The following JAZF1 variants were observed in gnomAD, a reference collection of about 807,000 sequenced individuals.
JAZF1 encodes JAZF zinc finger 1.
A neutral mutation model predicts 26.4 loss-of-function variants in JAZF1; 8 were observed. The observed-to-expected ratio is 0.30, with a 90% CI of 0.18 to 0.55. The LOEUF is 0.55. Among genes scored for constraint, JAZF1 ranks in the 20% least tolerant of loss-of-function variants. JAZF1 has a pLI of 0.94. For synonymous variants in JAZF1, 126 were observed against 122.3 expected (o/e 1.03, Z -0.20); for missense variants, 199 against 322.0 (o/e 0.62, Z 2.92).
chr7:27,874,283 G>T lies in JAZF1; in HGVS notation c.385+20937C>A, dbSNP rs568984485. On this transcript the variant is annotated intron_variant, in intron 3 of 4. Coordinates refer to ENST00000283928, the MANE Select transcript of JAZF1 (RefSeq NM_175061.4). ...ATCCCCAGGGAGGGGGCAGAAGACT[G>T]TTACGTCCTTAGCAGAACATGAGGC... is the stretch of plus-strand genomic sequence containing the variant. Among the ~76,000 whole-genome samples the T allele has an allele frequency of 1.2e-4, 18 of 152,356 alleles. No individual in the cohort carries two copies. The South Asian group carries it at 1.2e-3, about 11-fold the overall frequency.
chr7:28,132,604 T>C (rs1408664949), intron 1 of JAZF1, among the ~76,000 whole-genome samples: 1 of 152,184 alleles, frequency 6.6e-6, no homozygotes, highest in African/African-American at 2.4e-5. Flanking sequence ...ATTAGGAGCA[T>C]AGAATGATCT....
intron 1 of JAZF1, among the ~76,000 whole-genome samples, chr7:28,155,928 T>C (rs1383755672): frequency 3.3e-5 from 5 of 152,234 alleles, no homozygotes; most frequent in African/African-American, 4.8e-5. Flanking sequence ...CTTAAGGGTA[T>C]AAGGGTACCT....
chr7:27,894,841 T>G (rs918445036), intron 3 of JAZF1, among the ~76,000 whole-genome samples: 3 of 152,164 alleles, frequency 2.0e-5, no homozygotes, highest in African/African-American at 7.2e-5. Flanking sequence ...AATTATGTTT[T>G]CTCTAAAGGA....
At chr7:27,888,503 G>C (rs1783910426) in intron 3 of JAZF1, among the ~76,000 whole-genome samples, 1 of 152,158 alleles carries the variant, frequency 6.6e-6, no homozygotes, top group Non-Finnish European at 1.5e-5. Flanking sequence ...ACTCCATTCA[G>C]ATAGAGCTTC....
intron 1 of JAZF1, among the ~76,000 whole-genome samples, chr7:28,089,559 T>C (rs1343422815): frequency 3.3e-5 from 5 of 152,078 alleles, no homozygotes. Context: ...TGCTAGAAAA[T>C]GTTGACATTG....
At chr7:28,062,274 A>T (rs559026059) in intron 1 of JAZF1, among the ~76,000 whole-genome samples, 1 of 152,056 alleles carries the variant, frequency 6.6e-6, no homozygotes. Context: ...AGTGAGCTCA[A>T]TATTAGTTAG....
chr7:28,027,241 G>T (rs192699270), intron 1 of JAZF1, among the ~76,000 whole-genome samples: 158 of 152,316 alleles, frequency 1.0e-3, no homozygotes, highest in Non-Finnish European at 1.7e-3. Flanking sequence ...CTTCCACGGT[G>T]AAGAAGAAAA....
At chr7:27,919,834 T>C (rs1023722287) in intron 2 of JAZF1, among the ~76,000 whole-genome samples, 2 of 152,176 alleles carry the variant, frequency 1.3e-5, no homozygotes, top group African/African-American at 4.8e-5. Flanking sequence ...TGGCTCTAAA[T>C]CTAAATATCA....
Position 28,119,731 on chromosome 7 carries a change from C to A in JAZF1, c.115+60732G>T, listed in dbSNP as rs118148902. Among the ~76,000 whole-genome samples the A allele has an allele frequency of 6.6e-5, 10 of 152,314 alleles. No homozygotes were observed. The East Asian group carries it at 1.9e-3, about 29-fold the overall frequency. Reference sequence around the variant, plus strand: ...CCCCAAATTATGCCATTAATCATTTCATTAACTCAACAGATATTTACTGAA... The same window carrying A: ...CCCCAAATTATGCCATTAATCATTTAATTAACTCAACAGATATTTACTGAA... On this transcript the variant is annotated intron_variant, in intron 1 of 4. Transcript: ENST00000283928.
intron 1 of JAZF1, among the ~76,000 whole-genome samples, chr7:28,139,725 T>G (rs892420235): frequency 1.4e-4 from 21 of 151,448 alleles, no homozygotes; most frequent in Non-Finnish European, 2.2e-4. Context: ...ACCATATATT[T>G]AGGATTTGCT....
chr7:27,929,585 A>G (rs774005310), intron 2 of JAZF1, among the ~76,000 whole-genome samples: 9 of 152,236 alleles, frequency 5.9e-5, no homozygotes, highest in Non-Finnish European at 1.0e-4. Flanking sequence ...GAGTACATAC[A>G]GTACCTAAGA....
chr7:28,059,925 T>A (rs901873167), intron 1 of JAZF1, among the ~76,000 whole-genome samples: 7 of 152,206 alleles, frequency 4.6e-5, no homozygotes, highest in Admixed American at 2.0e-4. Context: ...TATCTAGGCA[T>A]ACGGATCTCT....
chr7:28,179,775 C>T (rs958863753), intron 1 of JAZF1, among the ~76,000 whole-genome samples: 1 of 147,820 alleles, frequency 6.8e-6, no homozygotes, highest in African/African-American at 2.4e-5. Context: ...AGAGGGCAAG[C>T]TCCCCGGCCC....
chr7:28,112,777 A>C (rs1784682785), intron 1 of JAZF1, among the ~76,000 whole-genome samples: 1 of 152,240 alleles, frequency 6.6e-6, no homozygotes, highest in African/African-American at 2.4e-5. Flanking sequence ...GAGGCAAAGA[A>C]GGCTGACCGT....
At chr7:27,833,805 A>G (rs1166363720) in intron 4 of JAZF1, among the ~76,000 whole-genome samples, 1 of 152,186 alleles carries the variant, frequency 6.6e-6, no homozygotes, top group South Asian at 2.1e-4. Flanking sequence ...TCCGTATTCT[A>G]TGTAAGAGTC....
chr7:28,021,553 G>T (rs1193176827), intron 1 of JAZF1, among the ~76,000 whole-genome samples: 1 of 152,160 alleles, frequency 6.6e-6, no homozygotes, highest in African/African-American at 2.4e-5. Context: ...TGACGGGCAG[G>T]AAAGGCCGCC....
rs539119184 is a variant in JAZF1, at chr7:27,916,619, G to C, written c.189-21203C>G. On this transcript the variant is annotated intron_variant, in intron 2 of 4. Coordinates refer to ENST00000283928, the MANE Select transcript of JAZF1 (RefSeq NM_175061.4). ...CCTTAAGTCACCTCACAGCCTTCTT[G>C]TGCTTAGGGACTCTAGATAGCACTT... 3.3e-5 allele frequency among the ~76,000 whole-genome samples: 5 copies of C among 152,292 alleles called. No individual in the cohort carries two copies. In the South Asian group the frequency reaches 1.0e-3, roughly 32 times the overall value.
chr7:27,895,490 T>G (rs971271384), intron 2 of JAZF1, 74 bp from the exon 3 acceptor site: 8 of 1,137,202 alleles, frequency 7.0e-6, no homozygotes, highest in African/African-American at 1.6e-5. Flanking sequence ...TATTAGAGTT[T>G]CAGACATGCA....
chr7:27,988,309 G>A (rs1436258886), intron 2 of JAZF1, among the ~76,000 whole-genome samples: 3 of 151,516 alleles, frequency 2.0e-5, no homozygotes, highest in Non-Finnish European at 4.4e-5. Flanking sequence ...GTAAGGCTTT[G>A]ACAACCAGCC....
Sources: allele counts gnomAD v4.1 joint callset (sites outside exome capture counted in the v4.1 genomes callset), GRCh38; gene constraint gnomAD v4.1.1; transcripts MANE v1.5; gene names NCBI Gene and HGNC (gene_info 2026-07-23, HGNC 2026-07-21).